The following TCERG1L variants were observed in gnomAD, a reference collection of about 807,000 sequenced individuals.
TCERG1L encodes transcription elongation regulator 1-like protein.
Under a neutral mutation model 56.3 loss-of-function variants are expected in TCERG1L, and 37 were observed. The observed-to-expected ratio is 0.66, with a 90% CI of 0.51 to 0.87. The LOEUF (loss-of-function observed/expected upper bound fraction) is 0.87. Ranked by LOEUF, TCERG1L falls within the 40% of genes least tolerant of loss-of-function variation. The pLI is 0.00. For missense variants in TCERG1L, 799 were observed against 774.2 expected (o/e 1.03, Z -0.38); for synonymous variants, 324 against 326.3 (o/e 0.99, Z 0.08).
intron 6 of TCERG1L, among the ~76,000 whole-genome samples, chr10:131,154,129 C>T (rs1266443483): frequency 2.0e-5 from 3 of 152,170 alleles, no homozygotes; most frequent in South Asian, 4.1e-4. Flanking sequence ...TGGATACCTG[C>T]CATATTCCCT....
chr10:131,116,666 T>C (rs1341895316), intron 9 of TCERG1L, 133 bp downstream of exon 9: 1 of 1,249,990 alleles, frequency 8.0e-7, no homozygotes, highest in Non-Finnish European at 1.1e-6. Flanking sequence ...ACACATCATC[T>C]CTCAGGCCAG....
intron 6 of TCERG1L, among the ~76,000 whole-genome samples, chr10:131,157,915 G>A (rs1037642152): frequency 3.3e-5 from 5 of 152,214 alleles, no homozygotes; most frequent in Admixed American, 6.5e-5. Flanking sequence ...TCTGAACTTC[G>A]ACACCATTTT....
In TCERG1L at chr10:131,222,558, G is replaced by C. The variant is rs79254646; in HGVS notation, c.856+37701C>G. ...GGGACTCCCAGATGGAAAGGAGAAA[G>C]TTCTAGATTTTCACATGGTTTCTTC... On this transcript the variant is annotated intron_variant, in intron 4 of 11. Coordinates refer to ENST00000368642, the MANE Select transcript of TCERG1L (RefSeq NM_174937.4). Among the ~76,000 whole-genome samples the C allele has an allele frequency of 7.7e-3, 1,179 of 152,330 alleles. 17 individuals are homozygous for C. Among genetic ancestry groups the C allele is most frequent in the African/African-American group, 0.027 (1,106 of 41,570 alleles).
At position 131,112,684 on chromosome 10, in the gene TCERG1L, G is replaced by T. The variant is rs950946412; in HGVS notation, c.1395+4115C>A. On this transcript the variant is annotated intron_variant, in intron 9 of 11. Transcript: ENST00000368642. ...CTTGAAGATGAGGCCATTGCCTTAC[G>T]CTCAGATCCCTAAAGAAACAGTATG... is the stretch of plus-strand genomic sequence containing the variant. Among the ~76,000 whole-genome samples the T allele has an allele frequency of 1.4e-5, 2 of 141,942 alleles. 1 individual carries two copies. Among genetic ancestry groups the T allele is most frequent in the Non-Finnish European group, 3.2e-5 (2 of 63,158 alleles). 93.1% of individuals were successfully genotyped at this position (141,942 alleles called of 152,430 possible).
chr10:131,277,214 G>A (rs994137769), intron 3 of TCERG1L, among the ~76,000 whole-genome samples: 1 of 152,188 alleles, frequency 6.6e-6, no homozygotes, highest in African/African-American at 2.4e-5. Flanking sequence ...TCCACCCCAC[G>A]AGTGAATGGT....
At chr10:131,276,186 T>C (rs1427486927) in intron 3 of TCERG1L, among the ~76,000 whole-genome samples, 3 of 152,210 alleles carry the variant, frequency 2.0e-5, no homozygotes, top group South Asian at 2.1e-4. Context: ...CCTCCTGATA[T>C]GGGGTTACCA....
At chr10:131,135,139 T>C (rs914941433) in intron 7 of TCERG1L, among the ~76,000 whole-genome samples, 1 of 152,182 alleles carries the variant, frequency 6.6e-6, no homozygotes, top group African/African-American at 2.4e-5. Flanking sequence ...GTCTGGAGTG[T>C]CATCCAGACC....
intron 3 of TCERG1L, among the ~76,000 whole-genome samples, chr10:131,264,406 C>T (rs934540149): frequency 2.0e-5 from 3 of 152,190 alleles, no homozygotes; most frequent in South Asian, 2.1e-4. Context: ...GGGTGTGATA[C>T]GGGTGCAAAC....
chr10:131,140,140 C>T (rs1589726266), intron 7 of TCERG1L, among the ~76,000 whole-genome samples: 1 of 152,334 alleles, frequency 6.6e-6, no homozygotes, highest in Non-Finnish European at 1.5e-5. Context: ...ACTTCCCACT[C>T]ATCACATTTC....
At position 131,111,051 on chromosome 10, in the gene TCERG1L, C is replaced by T. The variant is rs972387297; in HGVS notation, c.1395+5748G>A. 4.2e-5 allele frequency among the ~76,000 whole-genome samples: 6 copies of T among 143,306 alleles called. 1 individual carries two copies. The highest frequency in any genetic ancestry group is 2.3e-4 in the East Asian group (1 of 4,294). 94.0% of individuals were successfully genotyped at this position (143,306 alleles called of 152,430 possible). On this transcript the variant is annotated intron_variant, in intron 9 of 11. Transcript: ENST00000368642. The stretch of plus-strand genomic sequence containing the variant: ...CGATCCTGATGACCAGAGAAAAGGG[C>T]GAAAGCTAGCAAAAGGATGGCACCT...
chr10:131,163,025 G>T, intron 6 of TCERG1L, 97 bp downstream of exon 6: 2 of 894,124 alleles, frequency 2.2e-6, no homozygotes, highest in Non-Finnish European at 3.3e-6. Context: ...GACACAGGAT[G>T]CCTGAGAGAC....
intron 4 of TCERG1L, among the ~76,000 whole-genome samples, chr10:131,227,384 C>G (rs1845802436): frequency 6.6e-6 from 1 of 152,214 alleles, no homozygotes; most frequent in Admixed American, 6.5e-5. Flanking sequence ...CAGAGCTGGA[C>G]CAAGTCATTG....
At chr10:131,110,234 G>A (rs548664637) in intron 9 of TCERG1L, among the ~76,000 whole-genome samples, 11 of 152,298 alleles carry the variant, frequency 7.2e-5, no homozygotes, top group Non-Finnish European at 1.2e-4. Context: ...CAGACCACGC[G>A]GGCAAAGCAT....
chr10:131,289,819 GCCT>G (rs1455994618), intron 3 of TCERG1L, among the ~76,000 whole-genome samples: 1 of 47,044 alleles, frequency 2.1e-5, no homozygotes, highest in East Asian at 6.5e-4. Flanking sequence ...GGTGTGCACT[GCCT>G]CCATCTCCTA....
chr10:131,156,735 T>C (rs1364905206), intron 6 of TCERG1L, among the ~76,000 whole-genome samples: 1 of 152,094 alleles, frequency 6.6e-6, no homozygotes, highest in African/African-American at 2.4e-5. Context: ...ATCCAATTAC[T>C]GGTGCATGCA....
chr10:131,165,906 T>A (rs368535003), intron 5 of TCERG1L, among the ~76,000 whole-genome samples: 1 of 152,196 alleles, frequency 6.6e-6, no homozygotes, highest in Non-Finnish European at 1.5e-5. Context: ...CGAAGAACCA[T>A]GTGATGAAGA....
At chr10:131,120,247 C>A (rs1171763750) in intron 8 of TCERG1L, among the ~76,000 whole-genome samples, 1 of 152,144 alleles carries the variant, frequency 6.6e-6, no homozygotes, top group Non-Finnish European at 1.5e-5. Flanking sequence ...TGATTTTGCC[C>A]ATGTGCAGAG....
Position 131,311,715 on chromosome 10 carries a change from C to A in TCERG1L, c.-80G>T. On this transcript the variant is annotated 5_prime_UTR_variant, in exon 1 of 12. Transcript: ENST00000368642. The surrounding 1 kb of genome is among the most constrained non-coding windows in gnomAD (Gnocchi z 4.0). ...GGCCGGCGGCGGCGCGGCTCCGGAG[C>A]GAACTCACTTGGCTCCGCGGCGCGG... 1 of 710,162 alleles carries A rather than the reference C, an allele frequency of 1.4e-6. No individual in the cohort carries two copies. Among genetic ancestry groups the A allele is most frequent in the African/African-American group, 1.9e-5 (1 of 52,006 alleles). 44.0% of individuals were successfully genotyped at this position (710,162 alleles called of 1,614,324 possible). A position where few individuals can be genotyped will look rare whatever the true frequency, so the allele number is the denominator to read the frequency against.
At chr10:131,123,649 T>C (rs1845535127) in intron 8 of TCERG1L, among the ~76,000 whole-genome samples, 1 of 152,092 alleles carries the variant, frequency 6.6e-6, no homozygotes, top group African/African-American at 2.4e-5. Flanking sequence ...TGACGCATCC[T>C]GGCCTCCGAC....
Sources: allele counts gnomAD v4.1 joint callset (sites outside exome capture counted in the v4.1 genomes callset), GRCh38; gene constraint gnomAD v4.1.1; non-coding constraint Gnocchi (gnomAD v3.1); transcripts MANE v1.5; gene names NCBI Gene and HGNC (gene_info 2026-07-23, HGNC 2026-07-21).